The following DLG3 variants were observed in gnomAD, a reference collection of about 807,000 sequenced individuals.
DLG3 encodes the protein disks large homolog 3.
DLG3 carries 1 observed loss-of-function variant against 64.1 expected under a neutral mutation model. That is an observed-to-expected ratio of 0.02 (90% CI 0.01 to 0.07). The LOEUF (loss-of-function observed/expected upper bound fraction) is 0.07, where lower values mean the gene tolerates loss of function less well. Among genes scored for constraint, DLG3 ranks in the 10% least tolerant of loss-of-function variants. DLG3 has a pLI of 1.00. For synonymous variants in DLG3, 245 were observed against 259.8 expected (o/e 0.94, Z 0.55); for missense variants, 429 against 669.5 (o/e 0.64, Z 3.96).
intron 10 of DLG3, among the ~76,000 whole-genome samples, chrX:70,482,731 C>A (rs1003392008): frequency 2.6e-4 from 23 of 89,202 alleles, no homozygotes; most frequent in Admixed American, 1.7e-3. Context: ...AGTGCAGTGG[C>A]GCGATATAGG....
Position 70,464,156 on chromosome X carries a change from G to A in DLG3, c.1405+9840G>A, listed in dbSNP as rs914763982. Among the ~76,000 whole-genome samples the A allele has an allele frequency of 4.5e-5, 5 of 110,272 alleles. No homozygotes were observed. In the Admixed American group the frequency reaches 4.9e-4, roughly 11 times the overall value. ...GCTAAGGTTACAGGTACTGCACCCA[G>A]CATAGACTTTTATTTCCTTCCTTCC... On this transcript the variant is annotated intron_variant, in intron 9 of 18. Transcript: ENST00000374360.
chrX:70,450,650 C>T lies in DLG3; in HGVS notation c.852C>T (p.Thr284=). The change falls in exon 6 of 19, where the codon ACC becomes ACT. Residue 284 remains threonine (T), a synonymous_variant. Coordinates refer to ENST00000374360, the MANE Select transcript of DLG3 (RefSeq NM_021120.4). ...CTCTCCTCTTCTAGGTGAACAACACCAATCTGCAGGATGTGAGGCACGAGG... is the reference window on the plus strand; with the variant it reads ...CTCTCCTCTTCTAGGTGAACAACACTAATCTGCAGGATGTGAGGCACGAGG... ...IGDRLLAVNN[T]NLQDVRHEEA... is the part of the protein sequence containing the mutation. The T allele has an allele frequency of 8.3e-7, 1 of 1,211,715 alleles. No homozygotes were observed. Among genetic ancestry groups the T allele is most frequent in the Non-Finnish European group, 1.1e-6 (1 of 895,448 alleles).
intron 7 of DLG3, 95 bp downstream of exon 7, chrX:70,452,121 G>T (rs1401346818): frequency 1.6e-5 from 18 of 1,126,127 alleles, no homozygotes; most frequent in Non-Finnish European, 2.1e-5. Context: ...TTGTAGTATG[G>T]CAAAGAAGAG....
chrX:70,458,809 C>A (rs1180588935), intron 9 of DLG3, among the ~76,000 whole-genome samples: 5 of 112,543 alleles, frequency 4.4e-5, no homozygotes, highest in African/African-American at 1.6e-4. Flanking sequence ...CTCCTGATTG[C>A]TCTAAACGGT....
intron 7 of DLG3, chrX:70,453,395 T>C: frequency 2.6e-6 from 1 of 389,623 alleles, no homozygotes; most frequent in Non-Finnish European, 4.4e-6. Flanking sequence ...AGTAGGGGAC[T>C]GTCCACTGGG....
Position 70,495,434 on chromosome X carries a change from T to C in DLG3, c.1800T>C (p.Tyr600=), listed in dbSNP as rs1320146546. Residue 600 remains tyrosine (Y), a synonymous_variant, in exon 13 of 19, where the codon TAT becomes TAC. Coordinates refer to ENST00000374360, the MANE Select transcript of DLG3 (RefSeq NM_021120.4). ...ACTTCCCGGGGTTAAGTGACGATTA[T>C]TATGGAGCAAAGAACCTGAGTAAGT... ...NRDFPGLSDD[Y]YGAKNLKGQE... is the part of the protein sequence containing the mutation. The C allele has an allele frequency of 4.4e-5, 53 of 1,208,460 alleles. No homozygotes were observed. Among genetic ancestry groups the C allele is most frequent in the Non-Finnish European group, 5.6e-5 (50 of 894,552 alleles).
chrX:70,446,243 C>T (rs750485215), intron 1 of DLG3, among the ~76,000 whole-genome samples: 13 of 109,625 alleles, frequency 1.2e-4, no homozygotes, highest in East Asian at 2.9e-4. Context: ...AGTGTGCACG[C>T]GTGTGCCTGG....
rs1296800834 is a variant in DLG3, at chrX:70,503,939, T to C, written c.*1670T>C. ...ACAGAGAAGTGCTTGGCCCTAGGAT[T>C]GAGGCACTTGTTTCCTAGCCCGCTG... On this transcript the variant is annotated 3_prime_UTR_variant, in exon 19 of 19. Transcript: ENST00000374360. 9.0e-6 allele frequency: 1 copy of C among 111,260 alleles called. No individual in the cohort carries two copies. The highest frequency in any genetic ancestry group is 1.9e-5 in the Non-Finnish European group (1 of 53,022). 9.2% of individuals were successfully genotyped at this position (111,260 alleles called of 1,213,427 possible).
At chrX:70,483,858 C>T (rs939807070) in intron 10 of DLG3, among the ~76,000 whole-genome samples, 1 of 112,468 alleles carries the variant, frequency 8.9e-6, no homozygotes, top group African/African-American at 3.2e-5. Flanking sequence ...ATAAGCACAG[C>T]ACCTCAGTCT....
At chrX:70,455,240 A>T (rs2086684095) in intron 9 of DLG3, 1 of 752,885 alleles carries the variant, frequency 1.3e-6, no homozygotes, top group African/African-American at 2.3e-5. Flanking sequence ...TCAGCACTAG[A>T]TCTGGACTCC....
In DLG3 at chrX:70,457,695, C is replaced by G. The variant is rs764625662; in HGVS notation, c.1405+3379C>G. Among the ~76,000 whole-genome samples, 7 of 107,257 alleles carry G rather than the reference C, an allele frequency of 6.5e-5. No individual in the cohort carries two copies. In the South Asian group the frequency reaches 2.9e-3, roughly 44 times the overall value. 93.1% of individuals were successfully genotyped at this position (107,257 alleles called of 115,157 possible). ...CAAGCGATTCTCCTGCCTCAGCCTC[C>G]CCAGTAGCTGGGACTACAGGTGCTC... On this transcript the variant is annotated intron_variant, in intron 9 of 18. Coordinates refer to ENST00000374360, the MANE Select transcript of DLG3 (RefSeq NM_021120.4).
intron 10 of DLG3, among the ~76,000 whole-genome samples, chrX:70,485,651 C>CT (rs985091151): frequency 5.4e-5 from 6 of 112,001 alleles, no homozygotes; most frequent in Admixed American, 4.7e-4. Context: ...GACCAGTTTC[C>CT]TTCTTAGTTA....
chrX:70,449,515 G>A (rs1436866014), intron 3 of DLG3, 32 bp downstream of exon 3: 1 of 1,208,097 alleles, frequency 8.3e-7, no homozygotes, highest in Admixed American at 2.2e-5. Context: ...GTTGTGGGTG[G>A]CAGGGACAGG....
In DLG3 at chrX:70,469,639, G is replaced by A. The variant is rs369764389; in HGVS notation, c.1406-9511G>A. 8.2e-5 allele frequency among the ~76,000 whole-genome samples: 9 copies of A among 109,471 alleles called. No homozygotes were observed. In the East Asian group the frequency reaches 2.0e-3, roughly 25 times the overall value. On this transcript the variant is annotated intron_variant, in intron 9 of 18. Transcript: ENST00000374360. ...TTGTATTTTTTTTTAGTAGAGATGG[G>A]GTTTCACCATGTTGGCCAGGCTGGT... is the stretch of plus-strand genomic sequence containing the variant.
intron 10 of DLG3, among the ~76,000 whole-genome samples, chrX:70,490,791 G>A (rs1569291771): frequency 8.9e-6 from 1 of 112,272 alleles, no homozygotes. Flanking sequence ...TATTAACAGA[G>A]AATATGAAGA....
At chrX:70,487,078 G>A (rs992839653) in intron 10 of DLG3, among the ~76,000 whole-genome samples, 6 of 112,115 alleles carry the variant, frequency 5.4e-5, no homozygotes, top group African/African-American at 9.7e-5. Flanking sequence ...TTGGTTACAC[G>A]AAATATATCT....
chrX:70,459,595 T>G (rs1297924039), intron 9 of DLG3, among the ~76,000 whole-genome samples: 1 of 112,472 alleles, frequency 8.9e-6, no homozygotes, highest in Non-Finnish European at 1.9e-5. Flanking sequence ...ATTTGTACAC[T>G]GTGAACAATT....
chrX:70,497,092 C>A, intron 13 of DLG3: 1 of 974,970 alleles, frequency 1.0e-6, no homozygotes, highest in Non-Finnish European at 1.5e-6. Context: ...AGCTCAGTGT[C>A]TCGCTCCTGG....
intron 9 of DLG3, among the ~76,000 whole-genome samples, chrX:70,471,043 T>A (rs1264596635): frequency 9.0e-6 from 1 of 110,844 alleles, no homozygotes; most frequent in Non-Finnish European, 1.9e-5. Context: ...TTACATTTGT[T>A]CCTGAGGAGC....
Sources: allele counts gnomAD v4.1 joint callset (sites outside exome capture counted in the v4.1 genomes callset), GRCh38; gene constraint gnomAD v4.1.1; transcripts MANE v1.5; gene names NCBI Gene and HGNC (gene_info 2026-07-23, HGNC 2026-07-21).